Variants in CIMIP1 observed in about 807,000 individuals in gnomAD.
CIMIP1 encodes ciliary microtubule inner protein 1.
the CIMIP1 span, among the ~76,000 whole-genome samples, chr20:58,157,878 G>A: frequency 6.6e-6 from 1 of 152,198 alleles, no homozygotes; most frequent in Non-Finnish European, 1.5e-5. Context: ...GGATGTAGGT[G>A]GGACATTTTT....
the CIMIP1 span, among the ~76,000 whole-genome samples, chr20:58,155,024 T>C: frequency 1.3e-5 from 2 of 152,242 alleles, no homozygotes; most frequent in African/African-American, 4.8e-5. Flanking sequence ...CAGGCTGGTC[T>C]TGAACTCCTG....
At chr20:58,151,111 C>A in the CIMIP1 span, 1 of 1,365,346 alleles carries the variant, frequency 7.3e-7, no homozygotes, top group South Asian at 1.3e-5. Flanking sequence ...AGTTTCCCCA[C>A]CAAGTCCGGG....
the CIMIP1 span, chr20:58,155,510 A>G: frequency 6.2e-7 from 1 of 1,614,140 alleles, no homozygotes; most frequent in Non-Finnish European, 8.5e-7. Context: ...AAAGCCCAAA[A>G]TCGAGCTTCC....
At chr20:58,153,573 C>G in the CIMIP1 span, 1 of 1,614,148 alleles carries the variant, frequency 6.2e-7, no homozygotes, top group South Asian at 1.1e-5. Flanking sequence ...GAATCGGAAG[C>G]ACGGCAGAAC....
At chr20:58,156,686 C>T in the CIMIP1 span, among the ~76,000 whole-genome samples, 497 of 152,296 alleles carry the variant, frequency 3.3e-3, 1 homozygote, top group Non-Finnish European at 4.8e-3. Flanking sequence ...AGGCCTTAGA[C>T]GATGCTCTCA....
At chr20:58,153,693 G>C in the CIMIP1 span, 1 of 1,149,868 alleles carries the variant, frequency 8.7e-7, no homozygotes, top group African/African-American at 1.5e-5. Context: ...TGATTACAAA[G>C]TCTATCACTT....
the CIMIP1 span, among the ~76,000 whole-genome samples, chr20:58,159,177 T>A: frequency 7.4e-6 from 1 of 136,034 alleles, no homozygotes; most frequent in Middle Eastern, 3.9e-3. Flanking sequence ...GCATCTGCAC[T>A]TTCTTCTTTT....
At chr20:58,153,520 G>C in the CIMIP1 span, 1 of 1,600,908 alleles carries the variant, frequency 6.2e-7, no homozygotes, top group Non-Finnish European at 8.6e-7. Context: ...GTGTTGCCCA[G>C]CACTCAGGAA....
chr20:58,158,018 C>T, the CIMIP1 span, among the ~76,000 whole-genome samples: 12 of 152,250 alleles, frequency 7.9e-5, no homozygotes, highest in South Asian at 4.2e-4. Flanking sequence ...GATCCCTTGC[C>T]GGCCCATGAG....
chr20:58,157,352 G>A, the CIMIP1 span, among the ~76,000 whole-genome samples: 1 of 152,166 alleles, frequency 6.6e-6, no homozygotes. Flanking sequence ...TCCTTTCTCT[G>A]GCCACACAGC....
At chr20:58,153,685 A>G in the CIMIP1 span, 3,828 of 1,218,686 alleles carry the variant, frequency 3.1e-3, 17 homozygotes, top group South Asian at 6.1e-3. Flanking sequence ...AGAATGAATG[A>G]TTACAAAGTC....
chr20:58,150,902 A>G, the CIMIP1 span: 1 of 1,511,554 alleles, frequency 6.6e-7, no homozygotes, highest in Non-Finnish European at 9.0e-7. Context: ...CCGGTCTCCC[A>G]GGAGACGCGA....
At chr20:58,154,861 G>C in the CIMIP1 span, among the ~76,000 whole-genome samples, 1,871 of 152,322 alleles carry the variant, frequency 0.012, 39 homozygotes, top group African/African-American at 0.041. Context: ...AGGCTGGAGT[G>C]CAGTGGCATG....
At chr20:58,154,153 A>G in the CIMIP1 span, among the ~76,000 whole-genome samples, 2 of 152,332 alleles carry the variant, frequency 1.3e-5, no homozygotes, top group South Asian at 4.1e-4. Flanking sequence ...TTCCCTAAAG[A>G]TGACAAGTCC....
chr20:58,157,572 G>A, the CIMIP1 span, among the ~76,000 whole-genome samples: 1 of 152,084 alleles, frequency 6.6e-6, no homozygotes, highest in South Asian at 2.1e-4. Flanking sequence ...GTTTAAAAAA[G>A]CACTCTAAAT....
At chr20:58,156,255 C>T in the CIMIP1 span, among the ~76,000 whole-genome samples, 12 of 152,068 alleles carry the variant, frequency 7.9e-5, no homozygotes, top group African/African-American at 2.9e-4. Context: ...TGGTGTGTCA[C>T]AGGATAAGAG....
the CIMIP1 span, among the ~76,000 whole-genome samples, chr20:58,160,455 C>T: frequency 6.6e-6 from 1 of 152,136 alleles, no homozygotes; most frequent in Non-Finnish European, 1.5e-5. Flanking sequence ...AGGCATTACA[C>T]GATAAAGAAA....
chr20:58,151,001 C>A, the CIMIP1 span: 17 of 1,609,096 alleles, frequency 1.1e-5, no homozygotes, highest in East Asian at 1.6e-4. Flanking sequence ...GGCGGCTGAA[C>A]GCATGAACCT....
At chr20:58,153,645 GC>G in the CIMIP1 span, 1 of 1,495,780 alleles carries the variant, frequency 6.7e-7, no homozygotes, top group South Asian at 1.1e-5. Flanking sequence ...AATTGTATGA[GC>G]CCCAAGGTTA....
Sources: gnomAD v4.1 joint callset for allele counts (sites outside exome capture counted in the v4.1 genomes callset) on GRCh38, gnomAD v4.1.1 for gene constraint, MANE v1.5 for transcripts, NCBI Gene and HGNC (gene_info 2026-07-23, HGNC 2026-07-21) for gene names.